ERBB4: variants seen among roughly 807,000 people sequenced by gnomAD.
The protein encoded by ERBB4 is receptor tyrosine-protein kinase erbB-4.
A neutral mutation model predicts 158.0 loss-of-function variants in ERBB4; 42 were observed. The ratio of observed to expected loss-of-function variants is 0.27; its 90% CI spans 0.21 to 0.34. The LOEUF is 0.34. Ranked by LOEUF, ERBB4 falls within the 10% of genes least tolerant of loss-of-function variation. ERBB4 has a pLI of 1.00. For missense variants in ERBB4, 1,333 were observed against 1,624.1 expected (o/e 0.82, Z 3.08); for synonymous variants, 583 against 558.7 (o/e 1.04, Z -0.61).
At chr2:211,623,825 G>A in intron 18 of ERBB4, 97 bp downstream of exon 18, 1 of 1,202,520 alleles carries the variant, frequency 8.3e-7, no homozygotes, top group Non-Finnish European at 1.2e-6. Flanking sequence ...AATATTATAA[G>A]AAAATTAGGT....
rs145768958 is a variant in ERBB4 at position 212,424,548 on chromosome 2, C to T, written c.82+113901G>A. 9.2e-5 allele frequency among the ~76,000 whole-genome samples: 14 copies of T among 152,136 alleles called. No homozygotes were observed. The East Asian group carries it at 1.7e-3, about 19-fold the overall frequency. ...AAGAGAGCCTTGCTATTTTCTAACA[C>T]GTATTTTTACAGACAAGTAGTACAT... On this transcript the variant is annotated intron_variant, in intron 1 of 27. Transcript: ENST00000342788.
intron 20 of ERBB4, among the ~76,000 whole-genome samples, chr2:211,452,745 C>T (rs145990091): frequency 1.8e-4 from 27 of 152,048 alleles, no homozygotes; most frequent in African/African-American, 6.5e-4. Flanking sequence ...TAGTATAGAA[C>T]CTTAATTACA....
intron 7 of ERBB4, 90 bp downstream of exon 7, chr2:211,722,303 C>A (rs895721793): frequency 8.5e-6 from 9 of 1,058,220 alleles, no homozygotes; most frequent in African/African-American, 3.2e-5. Context: ...AATATTCTTA[C>A]AAGTTTCACA....
chr2:212,332,375 T>C (rs936566858), intron 1 of ERBB4, among the ~76,000 whole-genome samples: 1 of 152,072 alleles, frequency 6.6e-6, no homozygotes, highest in African/African-American at 2.4e-5. Context: ...CTTTTGTAAC[T>C]TGTCCAGTCT....
intron 14 of ERBB4, among the ~76,000 whole-genome samples, chr2:211,669,334 T>C (rs1396129140): frequency 6.6e-6 from 1 of 152,096 alleles, no homozygotes; most frequent in Non-Finnish European, 1.5e-5. Context: ...GGAGGTTATT[T>C]GTTACAGCAG....
chr2:211,392,464 G>C (rs2062817013), intron 25 of ERBB4, among the ~76,000 whole-genome samples: 1 of 151,398 alleles, frequency 6.6e-6, no homozygotes, highest in South Asian at 2.1e-4. Context: ...AATGTCTTTT[G>C]TCTATTTATG....
At chr2:211,419,207 G>C (rs1001000575) in intron 25 of ERBB4, among the ~76,000 whole-genome samples, 2 of 152,008 alleles carry the variant, frequency 1.3e-5, no homozygotes, top group Admixed American at 6.5e-5. Context: ...GACTAGCTGT[G>C]TGACACCAGT....
chr2:211,419,558 G>A (rs1436966313), intron 25 of ERBB4, among the ~76,000 whole-genome samples: 3 of 152,062 alleles, frequency 2.0e-5, no homozygotes, highest in Non-Finnish European at 4.4e-5. Flanking sequence ...GGAAGAAACT[G>A]ATTACAGACA....
intron 3 of ERBB4, among the ~76,000 whole-genome samples, chr2:211,865,599 C>T (rs1483451295): frequency 3.3e-5 from 5 of 152,004 alleles, no homozygotes; most frequent in African/African-American, 9.7e-5. Context: ...GTGATTCTCT[C>T]GCCTCAGCCT....
intron 20 of ERBB4, among the ~76,000 whole-genome samples, chr2:211,441,101 C>G (rs2063963919): frequency 1.3e-5 from 2 of 152,174 alleles, no homozygotes; most frequent in Non-Finnish European, 2.9e-5. Context: ...ACCATGGCTT[C>G]TGTTTTCATC....
At chr2:211,423,836 C>A (rs2063563736) in intron 23 of ERBB4, among the ~76,000 whole-genome samples, 1 of 151,744 alleles carries the variant, frequency 6.6e-6, no homozygotes, top group East Asian at 1.9e-4. Context: ...CCATAAAGGT[C>A]ACTAATGTTA....
In ERBB4 at chr2:211,492,585, G is replaced by A. The variant is rs116063599; in HGVS notation, c.2488-61485C>T. Among the ~76,000 whole-genome samples the A allele has an allele frequency of 7.9e-3, 1,198 of 151,980 alleles. 14 individuals carry two copies. The highest frequency in any genetic ancestry group is 0.027 in the African/African-American group (1,123 of 41,490). On this transcript the variant is annotated intron_variant, in intron 20 of 27. Transcript: ENST00000342788. ...ACAAAAGTAGGTAAAATAATGATGG[G>A]CAAAATAAGTTTGTACCTGCTCAGC...
chr2:211,590,750 G>T (rs992759590), intron 19 of ERBB4, among the ~76,000 whole-genome samples: 1 of 152,210 alleles, frequency 6.6e-6, no homozygotes, highest in African/African-American at 2.4e-5. Flanking sequence ...TGTCTATTGC[G>T]ATTCCCCTGT....
chr2:211,389,165 A>G (rs535066099), intron 25 of ERBB4, among the ~76,000 whole-genome samples: 1 of 152,212 alleles, frequency 6.6e-6, no homozygotes, highest in African/African-American at 2.4e-5. Flanking sequence ...CCTCCCGAGT[A>G]GCTGGGACTA....
intron 3 of ERBB4, among the ~76,000 whole-genome samples, chr2:211,880,007 A>G (rs947573763): frequency 6.6e-6 from 1 of 150,816 alleles, no homozygotes. Context: ...ATATAAATAA[A>G]GCATAATTAT....
In ERBB4 at chr2:212,193,684, T is replaced by A. The variant is rs150009354; in HGVS notation, c.83-68781A>T. ...ATCTTGATTTCTAGACAAATATATTTCTGAAACTGTATGATGAAATTCATA... is the reference window on the plus strand; with the variant it reads ...ATCTTGATTTCTAGACAAATATATTACTGAAACTGTATGATGAAATTCATA... On this transcript the variant is annotated intron_variant, in intron 1 of 27. Transcript: ENST00000342788. 3.3e-5 allele frequency among the ~76,000 whole-genome samples: 5 copies of A among 152,240 alleles called. No individual in the cohort carries two copies. The East Asian group carries it at 5.8e-4, about 18-fold the overall frequency.
At position 211,713,452 on chromosome 2, in the gene ERBB4, A is replaced by G. The variant is rs2073781617; in HGVS notation, c.997+83T>C. On this transcript the variant is annotated intron_variant, in intron 8 of 27. Transcript: ENST00000342788. ...TTGGTTGTGAGAGTGGGTTTATATT[A>G]AAAAGTTGGTCTACTTAAAAGTGAA... 3 of 812,808 alleles carry G rather than the reference A, an allele frequency of 3.7e-6. No homozygotes were observed. The Admixed American group carries it at 5.7e-5, about 15-fold the overall frequency. The allele number at this position is 812,808 out of a possible 1,614,324, so 50.3% of individuals were successfully genotyped here.
chr2:211,548,273 G>A (rs961724888), intron 20 of ERBB4, among the ~76,000 whole-genome samples: 1 of 151,618 alleles, frequency 6.6e-6, no homozygotes, highest in African/African-American at 2.4e-5. Context: ...CGATTTGGGA[G>A]GTTGCAATGT....
At chr2:212,278,013 A>G (rs1317542187) in intron 1 of ERBB4, among the ~76,000 whole-genome samples, 2 of 151,724 alleles carry the variant, frequency 1.3e-5, no homozygotes, top group African/African-American at 4.8e-5. Context: ...TAGTATCACA[A>G]TAATTCATTA....
Sources: gnomAD v4.1 joint callset for allele counts (sites outside exome capture counted in the v4.1 genomes callset) on GRCh38, gnomAD v4.1.1 for gene constraint, MANE v1.5 for transcripts, NCBI Gene and HGNC (gene_info 2026-07-23, HGNC 2026-07-21) for gene names.